The following CNTNAP2 variants were observed in gnomAD, a reference collection of about 807,000 sequenced individuals.
CNTNAP2 encodes contactin-associated protein-like 2.
In CNTNAP2, 98 loss-of-function variants were observed where a neutral mutation model predicts 155.2. The ratio of observed to expected loss-of-function variants is 0.63; its 90% CI spans 0.54 to 0.75. The LOEUF (loss-of-function observed/expected upper bound fraction) is 0.75. Among genes scored for constraint, CNTNAP2 ranks in the 30% least tolerant of loss-of-function variants. The probability of loss-of-function intolerance (pLI) is 0.00; values close to 1 mark genes in which losing one functional copy is unlikely to be tolerated. For missense variants in CNTNAP2, 1,727 were observed against 1,688.1 expected, an observed-to-expected ratio of 1.02 and a Z score of -0.40; for synonymous variants, 651 against 631.2, an observed-to-expected ratio of 1.03 and a Z score of -0.47.
chr7:146,648,028 G>C (rs994421479), intron 1 of CNTNAP2, among the ~76,000 whole-genome samples: 7 of 151,980 alleles, frequency 4.6e-5, no homozygotes, highest in Non-Finnish European at 8.8e-5. Flanking sequence ...CCTGGATCTG[G>C]CTATAGTCAT....
intron 13 of CNTNAP2, among the ~76,000 whole-genome samples, chr7:147,797,847 G>C (rs1298875921): frequency 1.3e-5 from 2 of 152,002 alleles, no homozygotes; most frequent in Non-Finnish European, 2.9e-5. Context: ...TCATCAAAAT[G>C]TTAACACTAA....
intron 9 of CNTNAP2, among the ~76,000 whole-genome samples, chr7:147,344,917 T>A (rs1339921420): frequency 6.6e-6 from 1 of 152,174 alleles, no homozygotes; most frequent in Non-Finnish European, 1.5e-5. Context: ...ATCTCTTTGT[T>A]TTGTATGTGT....
At chr7:146,805,627 T>C (rs1040045164) in intron 2 of CNTNAP2, among the ~76,000 whole-genome samples, 1 of 152,134 alleles carries the variant, frequency 6.6e-6, no homozygotes, top group African/African-American at 2.4e-5. Flanking sequence ...TTGGGTCAAG[T>C]CTACCACTCT....
At chr7:147,008,860 C>A (rs1798573356) in intron 3 of CNTNAP2, among the ~76,000 whole-genome samples, 1 of 151,438 alleles carries the variant, frequency 6.6e-6, no homozygotes, top group Admixed American at 6.6e-5. Flanking sequence ...TTTTCTGATA[C>A]AAAAATTGAG....
intron 9 of CNTNAP2, among the ~76,000 whole-genome samples, chr7:147,317,846 C>G (rs940599617): frequency 6.8e-6 from 1 of 147,572 alleles, no homozygotes; most frequent in Admixed American, 6.9e-5. Context: ...ATATGTATCT[C>G]TTTTTTTTCC....
At chr7:146,428,542 C>G (rs1441713510) in intron 1 of CNTNAP2, among the ~76,000 whole-genome samples, 1 of 151,580 alleles carries the variant, frequency 6.6e-6, no homozygotes, top group Non-Finnish European at 1.5e-5. Flanking sequence ...ATATGTATGT[C>G]TTCTCTGGAG....
At chr7:146,926,421 T>C (rs1916937) in intron 3 of CNTNAP2, among the ~76,000 whole-genome samples, 47 of 152,240 alleles carry the variant, frequency 3.1e-4, no homozygotes, top group South Asian at 8.3e-4. Context: ...TGAGTTTATG[T>C]CTGAATTTGA....
At chr7:147,710,138 A>G (rs536197855) in intron 13 of CNTNAP2, among the ~76,000 whole-genome samples, 12 of 152,128 alleles carry the variant, frequency 7.9e-5, no homozygotes, top group Non-Finnish European at 1.8e-4. Flanking sequence ...TTTTAAATAG[A>G]ATTTGTGAGG....
intron 14 of CNTNAP2, among the ~76,000 whole-genome samples, chr7:147,969,669 G>A (rs1801296194): frequency 6.6e-6 from 1 of 152,072 alleles, no homozygotes; most frequent in Non-Finnish European, 1.5e-5. Context: ...ACAGAAAGAT[G>A]GAGCTGAGAA....
intron 1 of CNTNAP2, among the ~76,000 whole-genome samples, chr7:146,311,338 C>T (rs1399825114): frequency 6.6e-6 from 1 of 152,066 alleles, no homozygotes; most frequent in African/African-American, 2.4e-5. Context: ...AACTTAAAAA[C>T]AAGTGACTTG....
At chr7:146,345,631 G>A (rs1022873388) in intron 1 of CNTNAP2, among the ~76,000 whole-genome samples, 2 of 152,124 alleles carry the variant, frequency 1.3e-5, no homozygotes, top group African/African-American at 2.4e-5. Flanking sequence ...TGATACCTTA[G>A]AACCATTCAT....
rs1800022432 is a variant in CNTNAP2 at position 148,417,528 on chromosome 7, TG to T, written c.*1914del. 1 of 152,526 alleles carries T rather than the reference TG, an allele frequency of 6.6e-6. No homozygotes were observed. Among genetic ancestry groups the T allele is most frequent in the South Asian group, 2.1e-4 (1 of 4,834 alleles). 9.4% of individuals were successfully genotyped at this position (152,526 alleles called of 1,614,324 possible). On this transcript the variant is annotated 3_prime_UTR_variant, in exon 24 of 24. Transcript: ENST00000361727. The stretch of plus-strand genomic sequence containing the variant: ...ATTCTTCTATAAAATACATTTAAAA[TG>T]GAAAAATACTTAATATCACTAAATA...
chr7:147,198,232 CT>C (rs71525992), intron 8 of CNTNAP2, among the ~76,000 whole-genome samples: 236 of 113,084 alleles, frequency 2.1e-3, no homozygotes, highest in South Asian at 9.1e-3. Flanking sequence ...TTCCAATATC[CT>C]TTTTTTTTTT....
At chr7:147,405,546 C>A (rs1796992175) in intron 10 of CNTNAP2, among the ~76,000 whole-genome samples, 1 of 152,122 alleles carries the variant, frequency 6.6e-6, no homozygotes, top group South Asian at 2.1e-4. Context: ...CCCTAACATG[C>A]TGTGTGGGAG....
At chr7:148,113,382 A>G (rs1337155663) in intron 15 of CNTNAP2, among the ~76,000 whole-genome samples, 1 of 152,188 alleles carries the variant, frequency 6.6e-6, no homozygotes, top group Non-Finnish European at 1.5e-5. Flanking sequence ...TCACAAAGAC[A>G]GCACCAAGGG....
chr7:147,726,739 T>G (rs1796650880), intron 13 of CNTNAP2, among the ~76,000 whole-genome samples: 1 of 152,016 alleles, frequency 6.6e-6, no homozygotes, highest in Non-Finnish European at 1.5e-5. Flanking sequence ...TAATGTAACA[T>G]CACATACATT....
At chr7:146,192,707 C>T (rs555800058) in intron 1 of CNTNAP2, among the ~76,000 whole-genome samples, 2 of 152,282 alleles carry the variant, frequency 1.3e-5, no homozygotes, top group East Asian at 3.9e-4. Context: ...CCATATCATT[C>T]TGCCCTCTGA....
intron 14 of CNTNAP2, among the ~76,000 whole-genome samples, chr7:147,971,441 C>T (rs894003685): frequency 2.6e-5 from 4 of 151,986 alleles, no homozygotes; most frequent in South Asian, 2.1e-4. Flanking sequence ...TATCCCTATA[C>T]GATTCCCGGT....
At chr7:147,259,665 CTT>C (rs1804412515) in intron 8 of CNTNAP2, among the ~76,000 whole-genome samples, 1 of 152,076 alleles carries the variant, frequency 6.6e-6, no homozygotes, top group Admixed American at 6.6e-5. Flanking sequence ...TTTCTTTGTT[CTT>C]AAAAAGGTTT....
Sources: allele counts gnomAD v4.1 joint callset (sites outside exome capture counted in the v4.1 genomes callset), GRCh38; gene constraint gnomAD v4.1.1; transcripts MANE v1.5; gene names NCBI Gene and HGNC (gene_info 2026-07-23, HGNC 2026-07-21).